Variants in HECW2 observed in about 807,000 individuals in gnomAD.
HECW2 encodes the protein HECT, C2 and WW domain containing E3 ubiquitin protein ligase 2.
A neutral mutation model predicts 175.2 loss-of-function variants in HECW2; 61 were observed. That is an observed-to-expected ratio of 0.35 (90% confidence interval 0.28 to 0.43). HECW2 has a LOEUF of 0.43. Among genes scored for constraint, HECW2 ranks in the 20% least tolerant of loss-of-function variants. The pLI is 1.00. For missense variants in HECW2, 1,524 were observed against 2,000.5 expected, an observed-to-expected ratio of 0.76 and a Z score of 4.54; for synonymous variants, 671 against 731.0, an observed-to-expected ratio of 0.92 and a Z score of 1.32.
At chr2:196,255,583 G>A (rs1689024916) in intron 18 of HECW2, among the ~76,000 whole-genome samples, 1 of 152,126 alleles carries the variant, frequency 6.6e-6, no homozygotes, top group Non-Finnish European at 1.5e-5. Flanking sequence ...ATTCTGAATT[G>A]AATAATGTCC....
At chr2:196,239,415 A>G (rs1688368658) in intron 21 of HECW2, 1 of 152,218 alleles carries the variant, frequency 6.6e-6, no homozygotes, top group South Asian at 2.1e-4. Flanking sequence ...AACGGCCTGA[A>G]TTTGAATCCT....
At chr2:196,334,243 C>T (rs910980555) in intron 4 of HECW2, among the ~76,000 whole-genome samples, 181 bp downstream of exon 4, 4 of 152,194 alleles carry the variant, frequency 2.6e-5, no homozygotes, top group East Asian at 1.9e-4. Flanking sequence ...TCCACTGATT[C>T]GAATTAGGGA....
chr2:196,509,119 T>A (rs1485649067), intron 1 of HECW2, among the ~76,000 whole-genome samples: 1 of 151,822 alleles, frequency 6.6e-6, no homozygotes, highest in Non-Finnish European at 1.5e-5. Context: ...GATTGTGGGT[T>A]TTTTTTTAAC....
Position 196,347,003 on chromosome 2 carries a change from G to A in HECW2, c.293-3239C>T, listed in dbSNP as rs549895037. On this transcript the variant is annotated intron_variant, in intron 2 of 28. Coordinates refer to ENST00000644978, the MANE Select transcript of HECW2 (RefSeq NM_001348768.2). ...AGCCTGGGCGACAGAGTGAGACTCC[G>A]TCTCAAAAAAAAAAAAAAAAATTCC... Among the ~76,000 whole-genome samples, 46 of 38,342 alleles carry A rather than the reference G, an allele frequency of 1.2e-3. 1 individual carries two copies. The South Asian group carries it at 0.028, about 24-fold the overall frequency. 25.2% of individuals were successfully genotyped at this position (38,342 alleles called of 152,430 possible).
At chr2:196,222,971 G>C (rs1366624690) in intron 23 of HECW2, among the ~76,000 whole-genome samples, 1 of 151,982 alleles carries the variant, frequency 6.6e-6, no homozygotes, top group Non-Finnish European at 1.5e-5. Context: ...TCGACATGAG[G>C]TAAGTTACTG....
intron 19 of HECW2, among the ~76,000 whole-genome samples, chr2:196,252,942 AC>A (rs1053706194): frequency 7.9e-5 from 12 of 152,232 alleles, no homozygotes; most frequent in African/African-American, 2.7e-4. Context: ...ACAGAGCTTC[AC>A]AGAGTTATTT....
intron 1 of HECW2, among the ~76,000 whole-genome samples, chr2:196,437,611 C>CAAAAAAA (rs59563276): frequency 1.8e-5 from 1 of 55,786 alleles, no homozygotes; most frequent in African/African-American, 6.3e-5. Context: ...GACTCTGTCT[C>CAAAAAAA]AAAAAAAAAA....
At chr2:196,446,871 C>T (rs1421547125) in intron 1 of HECW2, among the ~76,000 whole-genome samples, 3 of 152,120 alleles carry the variant, frequency 2.0e-5, no homozygotes, top group African/African-American at 7.2e-5. Flanking sequence ...AAGAGTTATC[C>T]AATGCCTACT....
chr2:196,363,577 T>C (rs1007515161), intron 2 of HECW2, among the ~76,000 whole-genome samples: 2 of 152,192 alleles, frequency 1.3e-5, no homozygotes, highest in Non-Finnish European at 2.9e-5. Context: ...ACGCCTATAA[T>C]CCAAGCACTT....
At chr2:196,557,147 G>A (rs1689821469) in intron 1 of HECW2, among the ~76,000 whole-genome samples, 1 of 152,120 alleles carries the variant, frequency 6.6e-6, no homozygotes, top group Admixed American at 6.5e-5. Flanking sequence ...TGTAATCCCA[G>A]CACTTTGGGA....
chr2:196,254,145 T>A, intron 18 of HECW2, 116 bp from the exon 19 acceptor site: 2 of 1,414,998 alleles, frequency 1.4e-6, no homozygotes, highest in Non-Finnish European at 1.9e-6. Context: ...AAAGAGAGCA[T>A]CCGCCCCCTT....
chr2:196,562,538 C>T (rs1252577726), intron 1 of HECW2, among the ~76,000 whole-genome samples: 1 of 152,034 alleles, frequency 6.6e-6, no homozygotes, highest in East Asian at 1.9e-4. Context: ...AGATATTGTC[C>T]AATTAAAATG....
intron 1 of HECW2, among the ~76,000 whole-genome samples, chr2:196,492,146 T>C (rs913177651): frequency 1.3e-5 from 2 of 152,152 alleles, no homozygotes; most frequent in Non-Finnish European, 2.9e-5. Context: ...GCAATGTAAA[T>C]AGAGAAAAAC....
At chr2:196,263,695 G>A (rs1689399096) in intron 17 of HECW2, 1 of 152,168 alleles carries the variant, frequency 6.6e-6, no homozygotes, top group Admixed American at 6.5e-5. Flanking sequence ...GTCCATTATG[G>A]TCATACGATT....
At chr2:196,234,155 A>C (rs1331493791) in intron 21 of HECW2, among the ~76,000 whole-genome samples, 2 of 152,210 alleles carry the variant, frequency 1.3e-5, no homozygotes, top group Non-Finnish European at 2.9e-5. Context: ...GGCCATGGAG[A>C]AAAAGAGGCA....
At chr2:196,288,247 T>C (rs1401643800) in intron 14 of HECW2, 2 of 152,202 alleles carry the variant, frequency 1.3e-5, no homozygotes, top group African/African-American at 4.8e-5. Flanking sequence ...TCTAAAACCC[T>C]AGTTTCATGA....
chr2:196,250,085 G>C (rs927459967), intron 19 of HECW2, among the ~76,000 whole-genome samples: 2 of 152,164 alleles, frequency 1.3e-5, no homozygotes, highest in Non-Finnish European at 2.9e-5. Context: ...GAGCACGGAA[G>C]GGGCAGCATT....
At chr2:196,214,678 C>T (rs995833167) in intron 28 of HECW2, among the ~76,000 whole-genome samples, 1 of 152,170 alleles carries the variant, frequency 6.6e-6, no homozygotes, top group African/African-American at 2.4e-5. Context: ...TGTGGGGTGG[C>T]CAAGGAGGCT....
At chr2:196,450,464 C>T (rs893371186) in intron 1 of HECW2, among the ~76,000 whole-genome samples, 3 of 151,658 alleles carry the variant, frequency 2.0e-5, no homozygotes, top group Non-Finnish European at 4.4e-5. Flanking sequence ...CATAAGCCAC[C>T]TGTTAGATGC....
Sources: allele counts gnomAD v4.1 joint callset (sites outside exome capture counted in the v4.1 genomes callset), GRCh38; gene constraint gnomAD v4.1.1; transcripts MANE v1.5; gene names NCBI Gene and HGNC (gene_info 2026-07-23, HGNC 2026-07-21).